Variants in WDPCP observed in about 807,000 individuals in gnomAD.
WDPCP encodes the protein WD repeat containing planar cell polarity effector.
In WDPCP, 71 loss-of-function variants were observed where a neutral mutation model predicts 93.1. The ratio of observed to expected loss-of-function variants is 0.76; its 90% CI spans 0.63 to 0.93. The LOEUF (loss-of-function observed/expected upper bound fraction) is 0.93, where lower values mean the gene tolerates loss of function less well. WDPCP is among the 40% of genes least tolerant of loss of function. WDPCP has a pLI of 0.00. For synonymous variants in WDPCP, 315 were observed against 315.0 expected (o/e 1.00, Z 0.00); for missense variants, 844 against 887.4 (o/e 0.95, Z 0.62).
At chr2:63,595,477 G>A in intron 3 of WDPCP, 1 of 1,613,618 alleles carries the variant, frequency 6.2e-7, no homozygotes, top group South Asian at 1.1e-5. Context: ...CCTGGACGGT[G>A]TCCTAATGGA....
At chr2:63,331,651 T>C (rs1687986578) in intron 12 of WDPCP, among the ~76,000 whole-genome samples, 2 of 152,220 alleles carry the variant, frequency 1.3e-5, no homozygotes, top group Admixed American at 1.3e-4. Context: ...AAAGTTTCCA[T>C]GTGCTATTTT....
intron 12 of WDPCP, among the ~76,000 whole-genome samples, chr2:63,331,019 A>T (rs1044817099): frequency 6.6e-6 from 1 of 151,904 alleles, no homozygotes; most frequent in Non-Finnish European, 1.5e-5. Context: ...ACAGATGTGC[A>T]CACCCAGCTA....
At chr2:63,717,561 A>G (rs1482260576) in intron 2 of WDPCP, 2 of 514,620 alleles carry the variant, frequency 3.9e-6, no homozygotes, top group African/African-American at 1.9e-5. Context: ...GCAGTCTTCT[A>G]AGGAAGACTG....
intron 2 of WDPCP, among the ~76,000 whole-genome samples, chr2:63,785,635 T>A (rs1001565562): frequency 6.6e-6 from 1 of 152,186 alleles, no homozygotes; most frequent in Middle Eastern, 3.2e-3. Flanking sequence ...ATTTTATTGT[T>A]GTTGGTTAGC....
intron 3 of WDPCP, among the ~76,000 whole-genome samples, chr2:63,629,432 G>C (rs1709842731): frequency 2.6e-5 from 4 of 152,190 alleles, no homozygotes; most frequent in Admixed American, 2.6e-4. Flanking sequence ...AAATTTTACG[G>C]TATCAGTGGA....
rs182607131 is a variant in WDPCP at position 63,628,304 on chromosome 2, C to G, written n.488+22355G>C. Among the ~76,000 whole-genome samples, 3 of 152,200 alleles carry G rather than the reference C, an allele frequency of 2.0e-5. No homozygotes were observed. In the East Asian group the frequency reaches 5.8e-4, roughly 29 times the overall value. Reference sequence around the variant, plus strand: ...CAATAGAAAAAAATGCTATTTTCCACTTTCAAAACAAAATGAATATCATAA... The same window carrying G: ...CAATAGAAAAAAATGCTATTTTCCAGTTTCAAAACAAAATGAATATCATAA... On this transcript the variant is annotated intron_variant and non_coding_transcript_variant, in intron 3 of 4. Transcript: ENST00000467687.
chr2:63,223,843 G>A (rs1678049676), intron 14 of WDPCP, among the ~76,000 whole-genome samples: 2 of 151,906 alleles, frequency 1.3e-5, no homozygotes, highest in African/African-American at 4.8e-5. Flanking sequence ...TAAATCATAT[G>A]GCCATACTAT....
intron 2 of WDPCP, among the ~76,000 whole-genome samples, chr2:63,812,908 C>T (rs1051120931): frequency 7.9e-5 from 12 of 151,240 alleles, no homozygotes; most frequent in Non-Finnish European, 1.8e-4. Context: ...GACAGAGTCT[C>T]ACTCTGGTGC....
At chr2:63,184,872 A>G (rs1185272325) in intron 14 of WDPCP, among the ~76,000 whole-genome samples, 1 of 152,058 alleles carries the variant, frequency 6.6e-6, no homozygotes, top group Non-Finnish European at 1.5e-5. Flanking sequence ...GATTCTTTAT[A>G]TAATCCCATG....
chr2:63,795,904 C>CGGGT (rs1448655678), intron 2 of WDPCP, among the ~76,000 whole-genome samples: 1 of 152,182 alleles, frequency 6.6e-6, no homozygotes, highest in East Asian at 1.9e-4. Context: ...TTCAGGTACC[C>CGGGT]ATTCCCTTCT....
chr2:63,262,997 A>G (rs1002283590), intron 13 of WDPCP, among the ~76,000 whole-genome samples: 15 of 152,206 alleles, frequency 9.9e-5, no homozygotes, highest in Non-Finnish European at 7.3e-5. Flanking sequence ...CATACTATGC[A>G]GTCCATTTAT....
intron 14 of WDPCP, among the ~76,000 whole-genome samples, chr2:63,200,737 C>T (rs1675842836): frequency 6.6e-6 from 1 of 151,882 alleles, no homozygotes; most frequent in African/African-American, 2.4e-5. Flanking sequence ...ATGAATAAGA[C>T]CTAGTATTTG....
chr2:63,234,255 A>C (rs1679183679), intron 14 of WDPCP, among the ~76,000 whole-genome samples: 2 of 152,018 alleles, frequency 1.3e-5, no homozygotes, highest in Admixed American at 1.3e-4. Context: ...TGGGTATAAC[A>C]ACACCTGTTA....
Position 63,259,418 on chromosome 2 carries a change from A to G in WDPCP, c.1813-9T>C, listed in dbSNP as rs1361819296. 1 of 1,598,976 alleles carries G rather than the reference A, an allele frequency of 6.3e-7. No individual in the cohort carries two copies. On this transcript the variant is annotated splice_polypyrimidine_tract_variant and intron_variant, in intron 13 of 17. Coordinates refer to ENST00000272321, the MANE Select transcript of WDPCP (RefSeq NM_015910.7). ...GCAAGGTAATGAATATCCTGAGGAA[A>G]TAAAGCAAAATAAAAGATTGATTCA...
intron 2 of WDPCP, among the ~76,000 whole-genome samples, chr2:63,686,384 A>G (rs1668804505): frequency 1.3e-5 from 2 of 152,200 alleles, no homozygotes; most frequent in South Asian, 4.1e-4. Context: ...ACTTAACCAA[A>G]AAAGGGAAAG....
intron 12 of WDPCP, among the ~76,000 whole-genome samples, chr2:63,371,019 A>AAT (rs531550915): frequency 6.6e-6 from 1 of 151,902 alleles, no homozygotes; most frequent in Non-Finnish European, 1.5e-5. Flanking sequence ...AAACATTTTA[A>AAT]ATATATATAT....
At chr2:63,766,432 C>T (rs961887750) in intron 2 of WDPCP, among the ~76,000 whole-genome samples, 29 of 151,464 alleles carry the variant, frequency 1.9e-4, no homozygotes, top group African/African-American at 6.3e-4. Context: ...TGGGTTCAAA[C>T]GATTCTTCCA....
chr2:63,319,291 A>G (rs1267273761), intron 12 of WDPCP, among the ~76,000 whole-genome samples: 2 of 152,174 alleles, frequency 1.3e-5, no homozygotes, highest in Non-Finnish European at 2.9e-5. Flanking sequence ...TAATTTTTGT[A>G]TACAGTGAAA....
intron 14 of WDPCP, among the ~76,000 whole-genome samples, chr2:63,201,915 T>C (rs1292329013): frequency 6.6e-6 from 1 of 152,078 alleles, no homozygotes; most frequent in African/African-American, 2.4e-5. Context: ...CAGCTGATTA[T>C]TTTTGTGATT....
Sources: gnomAD v4.1 joint callset for allele counts (sites outside exome capture counted in the v4.1 genomes callset) on GRCh38, gnomAD v4.1.1 for gene constraint, MANE v1.5 for transcripts, NCBI Gene and HGNC (gene_info 2026-07-23, HGNC 2026-07-21) for gene names.